The following CCDC69 variants were observed in gnomAD, a reference collection of about 807,000 sequenced individuals.
CCDC69 encodes the protein coiled-coil domain containing 69, also known as coiled-coil domain-containing protein 69.
A neutral mutation model predicts 40.3 loss-of-function variants in CCDC69; 38 were observed. The observed-to-expected ratio is 0.94, with a 90% CI of 0.73 to 1.24. The LOEUF (loss-of-function observed/expected upper bound fraction) is 1.24. Ranked by LOEUF, CCDC69 falls within the 50% of genes most tolerant of loss-of-function variation. The probability of loss-of-function intolerance (pLI) is 0.00; values close to 1 mark genes in which losing one functional copy is unlikely to be tolerated. For missense variants in CCDC69, 389 were observed against 357.9 expected (o/e 1.09, Z -0.70); for synonymous variants, 141 against 138.9 (o/e 1.02, Z -0.11).
At chr5:151,217,244 G>T (rs1753059298) in intron 1 of CCDC69, among the ~76,000 whole-genome samples, 1 of 152,150 alleles carries the variant, frequency 6.6e-6, no homozygotes, top group Non-Finnish European at 1.5e-5. Context: ...TTGACTCCCA[G>T]TCCAGTGCTC....
In CCDC69 at chr5:151,205,410, A is replaced by T; in HGVS notation, c.114T>A (p.Asn38Lys). 6.2e-7 allele frequency: 1 copy of T among 1,613,788 alleles called. No individual in the cohort carries two copies. The highest frequency in any genetic ancestry group is 8.5e-7 in the Non-Finnish European group (1 of 1,179,720). Residue 38 changes from asparagine to lysine, a missense_variant, in exon 2 of 9, where the codon AAT becomes AAA. Asn to Lys is a moderately conservative substitution (Grantham distance 94, BLOSUM62 0). Coordinates refer to ENST00000355417, the MANE Select transcript of CCDC69 (RefSeq NM_015621.3). The part of the protein sequence containing the change: ...RPEPHELGPL[N>K]GDTAITVQLC... ...GGGCTGGCTACTCACCTGTGTCCCC[A>T]TTGAGGGGACCTAATTCATGGGGCT...
At position 151,223,879 on chromosome 5, in the gene CCDC69, T is replaced by G. The variant is rs1308126320; in HGVS notation, c.48+44A>C. On this transcript the variant is annotated intron_variant, in intron 1 of 8. Coordinates refer to ENST00000355417, the MANE Select transcript of CCDC69 (RefSeq NM_015621.3). ...CCTCTGCGGCGGAGCGATTCCGCAC[T>G]CCCCTCTCCTCTGAAAGCAAACTTC... The G allele has an allele frequency of 1.9e-6, 3 of 1,579,588 alleles. No individual in the cohort carries two copies. In the Admixed American group the frequency reaches 5.3e-5, roughly 28 times the overall value.
intron 1 of CCDC69, among the ~76,000 whole-genome samples, chr5:151,223,048 G>A (rs1753157349): frequency 6.6e-6 from 1 of 152,184 alleles, no homozygotes; most frequent in African/African-American, 2.4e-5. Context: ...CTGGCTAGGG[G>A]GCAGGTAGTG....
intron 1 of CCDC69, among the ~76,000 whole-genome samples, chr5:151,218,916 G>C (rs1464647763): frequency 6.6e-6 from 1 of 152,166 alleles, no homozygotes; most frequent in Non-Finnish European, 1.5e-5. Flanking sequence ...ATCACCAAAG[G>C]TTGTATCTCA....
At chr5:151,193,744 T>A (rs1386624607) in intron 4 of CCDC69, among the ~76,000 whole-genome samples, 4 of 152,088 alleles carry the variant, frequency 2.6e-5, no homozygotes, top group Non-Finnish European at 5.9e-5. Context: ...AAAAAATAAA[T>A]TGGACTTTAT....
chr5:151,205,641 C>A (rs1019402440), intron 1 of CCDC69, among the ~76,000 whole-genome samples, 166 bp from the exon 2 acceptor site: 8 of 152,230 alleles, frequency 5.3e-5, no homozygotes, highest in Non-Finnish European at 8.8e-5. Context: ...AGGCAGCAGA[C>A]CCTCTACCGG....
chr5:151,224,067 G>A lies in CCDC69; in HGVS notation c.-97C>T. ...GCTGCCCGCTCCGCGCCCGCCGGCT[G>A]GGGCTGCCGGCGAGACCCTGAAACT... On this transcript the variant is annotated 5_prime_UTR_variant, in exon 1 of 9. Coordinates refer to ENST00000355417, the MANE Select transcript of CCDC69 (RefSeq NM_015621.3). 8.9e-7 allele frequency: 1 copy of A among 1,128,824 alleles called. No individual in the cohort carries two copies. Among genetic ancestry groups the A allele is most frequent in the Non-Finnish European group, 1.2e-6 (1 of 821,154 alleles). 69.9% of individuals were successfully genotyped at this position (1,128,824 alleles called of 1,614,324 possible). A position where few individuals can be genotyped will look rare whatever the true frequency, so the allele number is the denominator to read the frequency against.
At chr5:151,194,665 C>A (rs767250506) in intron 4 of CCDC69, among the ~76,000 whole-genome samples, 1 of 152,054 alleles carries the variant, frequency 6.6e-6, no homozygotes. Context: ...GAGGCCAAGG[C>A]GGGTGGATCA....
rs1018850358 is a variant in CCDC69 at position 151,216,605 on chromosome 5, G to A, written c.48+7318C>T. Among the ~76,000 whole-genome samples the A allele has an allele frequency of 7.4e-5, 11 of 149,630 alleles. No individual in the cohort carries two copies. The East Asian group carries it at 1.4e-3, about 19-fold the overall frequency. Reference sequence around the variant, plus strand: ...TAATTTTTGTATTTTTAGTAGAGACGGGGTTTCACCATGTTGGTCAGGCTG... The same window carrying A: ...TAATTTTTGTATTTTTAGTAGAGACAGGGTTTCACCATGTTGGTCAGGCTG... On this transcript the variant is annotated intron_variant, in intron 1 of 8. Coordinates refer to ENST00000355417, the MANE Select transcript of CCDC69 (RefSeq NM_015621.3).
rs1321269019 is a variant in CCDC69 at position 151,186,210 on chromosome 5, GT to G, written c.394-87del. The G allele has an allele frequency of 1.0e-5, 9 of 878,756 alleles. No homozygotes were observed. The African/African-American group carries it at 1.5e-4, about 14-fold the overall frequency. 54.4% of individuals were successfully genotyped at this position (878,756 alleles called of 1,614,324 possible). A position where few individuals can be genotyped will look rare whatever the true frequency, so the allele number is the denominator to read the frequency against. On this transcript the variant is annotated intron_variant, in intron 5 of 8. Transcript: ENST00000355417. ...TTCGCCACATCCCAGAGGGAGAACG[GT>G]TTTGGGTTCTTCAATCTGTCTTTGG...
At chr5:151,190,595 G>A (rs1752595330) in intron 4 of CCDC69, among the ~76,000 whole-genome samples, 1 of 150,856 alleles carries the variant, frequency 6.6e-6, no homozygotes, top group South Asian at 2.1e-4. Flanking sequence ...GAACCCAGGA[G>A]GCAGAGTTTG....
In CCDC69 at chr5:151,185,125, C is replaced by T. The variant is rs551237661; in HGVS notation, c.615+297G>A. Reference sequence around the variant, plus strand: ...ACATAATCTCTGCTTAGATTCAACCCTAGGGTTTCTGAGGCTTCTGTCCTC... The same window carrying T: ...ACATAATCTCTGCTTAGATTCAACCTTAGGGTTTCTGAGGCTTCTGTCCTC... On this transcript the variant is annotated intron_variant, in intron 7 of 8. Coordinates refer to ENST00000355417, the MANE Select transcript of CCDC69 (RefSeq NM_015621.3). 1.8e-5 allele frequency: 5 copies of T among 270,354 alleles called. No homozygotes were observed. In the South Asian group the frequency reaches 1.9e-4, roughly 10 times the overall value. 16.7% of individuals were successfully genotyped at this position (270,354 alleles called of 1,614,324 possible).
chr5:151,213,095 T>A (rs2114001724), intron 1 of CCDC69, among the ~76,000 whole-genome samples: 1 of 152,248 alleles, frequency 6.6e-6, no homozygotes, highest in African/African-American at 2.4e-5. Flanking sequence ...ATAAAGAAAT[T>A]ATCTACTACA....
At chr5:151,199,296 C>T (rs552013891) in intron 3 of CCDC69, among the ~76,000 whole-genome samples, 1 of 152,234 alleles carries the variant, frequency 6.6e-6, no homozygotes, top group African/African-American at 2.4e-5. Context: ...CAGGGGGTTC[C>T]CATGTAATTA....
At position 151,182,008 on chromosome 5, in the gene CCDC69, C is replaced by G. The variant is rs887843403; in HGVS notation, c.*1429G>C. On this transcript the variant is annotated 3_prime_UTR_variant, in exon 9 of 9. Coordinates refer to ENST00000355417, the MANE Select transcript of CCDC69 (RefSeq NM_015621.3). The stretch of plus-strand genomic sequence containing the variant: ...TACACAGGGGAATACAGAAGGCAGT[C>G]TGGGATGATGTCACTATAGAATGAC... 2 of 152,332 alleles carry G rather than the reference C, an allele frequency of 1.3e-5. No homozygotes were observed. The highest frequency in any genetic ancestry group is 3.9e-4 in the East Asian group (2 of 5,190). The allele number at this position is 152,332 out of a possible 1,614,324, so 9.4% of individuals were successfully genotyped here. A position where few individuals can be genotyped will look rare whatever the true frequency, so the allele number is the denominator to read the frequency against.
intron 1 of CCDC69, among the ~76,000 whole-genome samples, chr5:151,205,875 C>T (rs555123572): frequency 6.6e-6 from 1 of 152,292 alleles, no homozygotes; most frequent in Admixed American, 6.5e-5. Flanking sequence ...ACCCCCAATT[C>T]GGAGATGATT....
chr5:151,190,665 CAAAAAA>C (rs35015191), intron 4 of CCDC69, among the ~76,000 whole-genome samples: 4 of 93,522 alleles, frequency 4.3e-5, no homozygotes, highest in Admixed American at 1.2e-4. Flanking sequence ...GACTCTGTCT[CAAAAAA>C]AAAAAAAAAA....
intron 3 of CCDC69, among the ~76,000 whole-genome samples, 190 bp from the exon 4 acceptor site, chr5:151,199,274 T>G (rs1274283504): frequency 6.6e-6 from 1 of 152,178 alleles, no homozygotes; most frequent in African/African-American, 2.4e-5. Context: ...ATTTGCCTTC[T>G]TTAGGGTTTA....
At chr5:151,205,543 A>G (rs1377106773) in intron 1 of CCDC69, 68 bp from the exon 2 acceptor site, 1 of 1,301,954 alleles carries the variant, frequency 7.7e-7, no homozygotes, top group African/African-American at 1.5e-5. Context: ...ACGGGCTGCT[A>G]TAGTGGGACT....
Sources: allele counts gnomAD v4.1 joint callset (sites outside exome capture counted in the v4.1 genomes callset), GRCh38; gene constraint gnomAD v4.1.1; transcripts MANE v1.5; gene names NCBI Gene and HGNC (gene_info 2026-07-23, HGNC 2026-07-21).